The following RORA variants were observed in gnomAD, a reference collection of about 807,000 sequenced individuals.
RORA encodes the protein nuclear receptor ROR-alpha.
A neutral mutation model predicts 69.5 loss-of-function variants in RORA; 7 were observed. That is an observed-to-expected ratio of 0.10 (90% CI 0.06 to 0.19). The LOEUF is 0.19. Ranked by LOEUF, RORA falls within the 10% of genes least tolerant of loss-of-function variation. The pLI, the probability that RORA is intolerant of heterozygous loss-of-function variation, is 1.00. For missense variants in RORA, 457 were observed against 663.0 expected, an observed-to-expected ratio of 0.69 and a Z score of 3.41; for synonymous variants, 261 against 240.8, an observed-to-expected ratio of 1.08 and a Z score of -0.78.
chr15:61,213,891 C>T lies in RORA; in HGVS notation c.166+15162G>A, dbSNP rs1851084227. The T allele has an allele frequency of 6.6e-6, 1 of 152,204 alleles. No individual in the cohort carries two copies. Among genetic ancestry groups the T allele is most frequent in the African/African-American group, 2.4e-5 (1 of 41,430 alleles). The allele number at this position is 152,204 out of a possible 1,614,324, so 9.4% of individuals were successfully genotyped here. On this transcript the variant is annotated intron_variant, in intron 1 of 10. Transcript: ENST00000335670. This position sits in a 1 kb window ranked among gnomAD's most constrained non-coding sequence, Gnocchi z 4.1. ...TATATTCTATTATACTGCCCTTAAA[C>T]ATTTGAAACTTTCGAGGAATAGATT... is the stretch of plus-strand genomic sequence containing the variant.
chr15:60,575,602 A>G lies in RORA; in HGVS notation c.197-43751T>C, dbSNP rs578073546. Among the ~76,000 whole-genome samples the G allele has an allele frequency of 3.3e-5, 5 of 152,356 alleles. No individual in the cohort carries two copies. In the South Asian group the frequency reaches 8.3e-4, roughly 25 times the overall value. On this transcript the variant is annotated intron_variant, in intron 2 of 10. Coordinates refer to ENST00000335670, the MANE Select transcript of RORA (RefSeq NM_134261.3). ...AGCTTTTTATTGAAGTGCAACATGCAAAGAGAAACAGACACAAATGATAAA... is the reference window on the plus strand; with the variant it reads ...AGCTTTTTATTGAAGTGCAACATGCGAAGAGAAACAGACACAAATGATAAA...
At chr15:60,755,648 C>T (rs952385446) in intron 1 of RORA, among the ~76,000 whole-genome samples, 1 of 152,148 alleles carries the variant, frequency 6.6e-6, no homozygotes, top group Non-Finnish European at 1.5e-5. Context: ...CAGCAGAGAG[C>T]TGAGTCTTTT....
At chr15:60,696,706 T>C (rs1438184336) in intron 1 of RORA, among the ~76,000 whole-genome samples, 1 of 152,214 alleles carries the variant, frequency 6.6e-6, no homozygotes, top group East Asian at 1.9e-4. Context: ...CTTGCTGCCT[T>C]TGACCCACTC....
At chr15:60,882,825 T>C (rs941094157) in intron 1 of RORA, among the ~76,000 whole-genome samples, 1 of 152,170 alleles carries the variant, frequency 6.6e-6, no homozygotes, top group African/African-American at 2.4e-5. Flanking sequence ...AATAAGTACT[T>C]ACTGATTTTA....
At chr15:60,976,158 G>A (rs78992659) in intron 1 of RORA, among the ~76,000 whole-genome samples, 6,634 of 152,260 alleles carry the variant, frequency 0.044, 476 homozygotes, top group African/African-American at 0.15. Context: ...CCGTGGCTCG[G>A]AGTGCGTGGG....
intron 1 of RORA, among the ~76,000 whole-genome samples, chr15:60,836,612 T>C (rs2073119144): frequency 6.6e-6 from 1 of 152,134 alleles, no homozygotes; most frequent in African/African-American, 2.4e-5. Context: ...CACCCACACG[T>C]TCAGCGGGGA....
chr15:61,160,511 C>T (rs1387632349), intron 1 of RORA, among the ~76,000 whole-genome samples: 4 of 152,084 alleles, frequency 2.6e-5, no homozygotes, highest in Non-Finnish European at 4.4e-5. Flanking sequence ...AAAAATCTCT[C>T]GAAAAACAGA....
intron 1 of RORA, among the ~76,000 whole-genome samples, chr15:60,811,263 C>T (rs570752105): frequency 6.6e-6 from 1 of 152,248 alleles, no homozygotes; most frequent in South Asian, 2.1e-4. Context: ...TTTAGCCCAT[C>T]GATTTCATTT....
intron 1 of RORA, among the ~76,000 whole-genome samples, chr15:60,890,465 G>A (rs566465960): frequency 8.7e-4 from 132 of 152,290 alleles, no homozygotes; most frequent in Non-Finnish European, 1.5e-3. Context: ...TGCCCTGGAG[G>A]CCCCAGCAGC....
intron 9 of RORA, among the ~76,000 whole-genome samples, chr15:60,500,748 G>A (rs944777984): frequency 8.5e-5 from 13 of 152,260 alleles, no homozygotes; most frequent in African/African-American, 3.1e-4. Context: ...TGTCTGAAAG[G>A]CATGAGGTTT....
chr15:60,527,654 T>G (rs2066404052), intron 3 of RORA, among the ~76,000 whole-genome samples: 1 of 152,238 alleles, frequency 6.6e-6, no homozygotes, highest in African/African-American at 2.4e-5. Flanking sequence ...AATGCAATAT[T>G]CAGGCTGAAG....
rs2078186244 is a variant in RORA, at chr15:61,061,502, C to T, written c.166+167551G>A. On this transcript the variant is annotated intron_variant, in intron 1 of 10. Coordinates refer to ENST00000335670, the MANE Select transcript of RORA (RefSeq NM_134261.3). The surrounding 1 kb of genome is among the most constrained non-coding windows in gnomAD (Gnocchi z 4.4). ...ATGCTGTGAGCAGGGGCTTGGTAGG[C>T]CAGGATAGACAAACTTCTGACCTCG... Among the ~76,000 whole-genome samples, 1 of 152,012 alleles carries T rather than the reference C, an allele frequency of 6.6e-6. No individual in the cohort carries two copies. The highest frequency in any genetic ancestry group is 6.6e-5 in the Admixed American group (1 of 15,258).
At chr15:61,152,873 C>T (rs758468937) in intron 1 of RORA, among the ~76,000 whole-genome samples, 12 of 152,196 alleles carry the variant, frequency 7.9e-5, no homozygotes, top group African/African-American at 2.4e-5. Context: ...CTGGACAAAG[C>T]ACTGTGGACA....
intron 1 of RORA, among the ~76,000 whole-genome samples, chr15:61,202,785 A>G (rs1384795276): frequency 6.6e-6 from 1 of 152,120 alleles, no homozygotes; most frequent in African/African-American, 2.4e-5. Context: ...AAACAAACAA[A>G]CAAACAAAAA....
intron 1 of RORA, among the ~76,000 whole-genome samples, chr15:60,794,738 C>A (rs1215546107): frequency 2.0e-5 from 3 of 152,204 alleles, no homozygotes; most frequent in African/African-American, 7.2e-5. Context: ...TACTTCTATT[C>A]TGATAGGGTG....
At chr15:60,553,421 TGTA>T (rs1418823624) in intron 2 of RORA, among the ~76,000 whole-genome samples, 1 of 152,180 alleles carries the variant, frequency 6.6e-6, no homozygotes, top group Non-Finnish European at 1.5e-5. Context: ...GTAAGCCTCT[TGTA>T]GTAGTATCAC....
chr15:61,071,674 A>G (rs1313520107), intron 1 of RORA, among the ~76,000 whole-genome samples: 7 of 15,994 alleles, frequency 4.4e-4, no homozygotes, highest in Non-Finnish European at 5.5e-4. Flanking sequence ...TGGGGAGGGG[A>G]GAGGGGGGAG....
intron 1 of RORA, among the ~76,000 whole-genome samples, chr15:60,722,455 A>G (rs1367852392): frequency 1.3e-5 from 2 of 152,186 alleles, no homozygotes; most frequent in Non-Finnish European, 2.9e-5. Context: ...GTTCTGCCTT[A>G]TTTGTGTAGA....
chr15:60,996,064 G>GT (rs1471505071), intron 1 of RORA, among the ~76,000 whole-genome samples: 7 of 126,032 alleles, frequency 5.6e-5, no homozygotes, highest in African/African-American at 1.6e-4. Flanking sequence ...TCTAGATCTT[G>GT]TTTTTTGTTT....
Sources: allele counts gnomAD v4.1 joint callset (sites outside exome capture counted in the v4.1 genomes callset), GRCh38; gene constraint gnomAD v4.1.1; non-coding constraint Gnocchi (gnomAD v3.1); transcripts MANE v1.5; gene names NCBI Gene and HGNC (gene_info 2026-07-23, HGNC 2026-07-21).